The following RBFOX3 variants were observed in gnomAD, a reference collection of about 807,000 sequenced individuals.
RBFOX3 encodes the protein RNA binding protein fox-1 homolog 3.
RBFOX3 carries 17 observed loss-of-function variants against 48.7 expected under a neutral mutation model. That is an observed-to-expected ratio of 0.35 (90% confidence interval 0.24 to 0.52). RBFOX3 has a LOEUF of 0.52. RBFOX3 is among the 20% of genes least tolerant of loss of function. The pLI, the probability that RBFOX3 is intolerant of heterozygous loss-of-function variation, is 0.94. For missense variants in RBFOX3, 382 were observed against 497.5 expected, an observed-to-expected ratio of 0.77 and a Z score of 2.21; for synonymous variants, 212 against 209.5, an observed-to-expected ratio of 1.01 and a Z score of -0.10.
intron 2 of RBFOX3, among the ~76,000 whole-genome samples, chr17:79,404,067 C>T (rs1349819228): frequency 1.8e-4 from 27 of 152,184 alleles, no homozygotes; most frequent in Non-Finnish European, 5.9e-5. Flanking sequence ...CGTGAACCAC[C>T]ACACCCGGCC....
chr17:79,554,138 T>C (rs2091401693), intron 1 of RBFOX3, among the ~76,000 whole-genome samples: 1 of 152,234 alleles, frequency 6.6e-6, no homozygotes, highest in Non-Finnish European at 1.5e-5. Context: ...TTGTGGCCCA[T>C]TATTATTATA....
At chr17:79,492,438 C>T (rs907866398) in intron 1 of RBFOX3, among the ~76,000 whole-genome samples, 3 of 152,188 alleles carry the variant, frequency 2.0e-5, no homozygotes, top group South Asian at 2.1e-4. Flanking sequence ...GGAAGTCAGC[C>T]GCCCTGTCAT....
At chr17:79,491,028 A>AGAGGAGAGGGGAGGG (rs2080426432) in intron 1 of RBFOX3, among the ~76,000 whole-genome samples, 1 of 107,206 alleles carries the variant, frequency 9.3e-6, no homozygotes, top group Non-Finnish European at 1.9e-5. Flanking sequence ...AGTGAATCGG[A>AGAGGAGAGGGGAGGG]GAGGAGAGGG....
At chr17:79,665,014 G>A in the RBFOX3 span, among the ~76,000 whole-genome samples, 4 of 152,108 alleles carry the variant, frequency 2.6e-5, no homozygotes, top group African/African-American at 9.7e-5. Context: ...TCTGTCTATG[G>A]ACACTGGGGT....
At chr17:79,444,066 G>A (rs1598726350) in intron 2 of RBFOX3, among the ~76,000 whole-genome samples, 1 of 152,302 alleles carries the variant, frequency 6.6e-6, no homozygotes, top group Admixed American at 6.5e-5. Context: ...ATGCACACCT[G>A]TATGTTCAGG....
intron 1 of RBFOX3, among the ~76,000 whole-genome samples, chr17:79,592,583 G>A (rs1001102278): frequency 1.3e-5 from 2 of 152,044 alleles, no homozygotes; most frequent in African/African-American, 4.8e-5. Context: ...CTGTCCCTGG[G>A]AAGGCTGGGG....
intron 3 of RBFOX3, among the ~76,000 whole-genome samples, chr17:79,304,466 G>A (rs571163574): frequency 6.7e-6 from 1 of 149,768 alleles, no homozygotes; most frequent in East Asian, 2.0e-4. Context: ...TATATAGCAT[G>A]ATCCTGCTTT....
chr17:79,513,768 T>C (rs1473204113), intron 1 of RBFOX3, among the ~76,000 whole-genome samples: 2 of 152,200 alleles, frequency 1.3e-5, no homozygotes, highest in Non-Finnish European at 2.9e-5. Flanking sequence ...CGCTGGGCAC[T>C]TCACACAGCC....
At position 79,111,783 on chromosome 17, in the gene RBFOX3, G is replaced by A. The variant is rs1337875752; in HGVS notation, c.222+3711C>T. Among the ~76,000 whole-genome samples, 1 of 152,230 alleles carries A rather than the reference G, an allele frequency of 6.6e-6. No homozygotes were observed. Among genetic ancestry groups the A allele is most frequent in the Non-Finnish European group, 1.5e-5 (1 of 68,038 alleles). Reference sequence around the variant, plus strand: ...GCACAAAGACTCCCAAGGGCCCACAGTACTGGCACCTGCGTGACCCCGAGT... The same window carrying A: ...GCACAAAGACTCCCAAGGGCCCACAATACTGGCACCTGCGTGACCCCGAGT... On this transcript the variant is annotated intron_variant, in intron 5 of 14. Coordinates refer to ENST00000693108, the MANE Select transcript of RBFOX3 (RefSeq NM_001350451.2). This position sits in a 1 kb window ranked among gnomAD's most constrained non-coding sequence, Gnocchi z 4.2.
intron 1 of RBFOX3, among the ~76,000 whole-genome samples, chr17:79,543,397 G>T (rs961303166): frequency 6.6e-6 from 1 of 152,120 alleles, no homozygotes; most frequent in Non-Finnish European, 1.5e-5. Flanking sequence ...GTGAAAGGAC[G>T]CCTGAAATGC....
chr17:79,483,734 G>A (rs1238283989), intron 1 of RBFOX3, among the ~76,000 whole-genome samples: 1 of 151,898 alleles, frequency 6.6e-6, no homozygotes, highest in East Asian at 2.0e-4. Flanking sequence ...CCCAGGATGT[G>A]CCTGGCACAT....
intron 2 of RBFOX3, among the ~76,000 whole-genome samples, chr17:79,440,452 T>G (rs113731665): frequency 6.6e-6 from 1 of 152,110 alleles, no homozygotes; most frequent in South Asian, 2.1e-4. Flanking sequence ...TGGGGCTCCA[T>G]TGGCTATACC....
the RBFOX3 span, among the ~76,000 whole-genome samples, chr17:79,618,194 C>G: frequency 6.6e-6 from 1 of 152,166 alleles, no homozygotes; most frequent in African/African-American, 2.4e-5. Context: ...GCGGCGATAG[C>G]CTAAAAAACA....
intron 3 of RBFOX3, among the ~76,000 whole-genome samples, chr17:79,264,058 C>T (rs1012944638): frequency 4.6e-5 from 7 of 151,468 alleles, no homozygotes; most frequent in Non-Finnish European, 1.0e-4. Context: ...AGGACCCTTC[C>T]CTAGAGCTTT....
chr17:79,131,543 G>A (rs957087484), intron 4 of RBFOX3, among the ~76,000 whole-genome samples: 1 of 152,172 alleles, frequency 6.6e-6, no homozygotes, highest in Non-Finnish European at 1.5e-5. Context: ...TGACCTTCAC[G>A]CTCACTCCAA....
At chr17:79,173,215 A>ATAC (rs1555730591) in intron 4 of RBFOX3, among the ~76,000 whole-genome samples, 27 of 87,794 alleles carry the variant, frequency 3.1e-4, no homozygotes, top group Non-Finnish European at 3.5e-4. Flanking sequence ...CAAATAAATA[A>ATAC]ATAAATACAT....
intron 2 of RBFOX3, among the ~76,000 whole-genome samples, chr17:79,368,959 C>A (rs981554005): frequency 6.6e-6 from 1 of 152,170 alleles, no homozygotes; most frequent in Non-Finnish European, 1.5e-5. Context: ...ATGGGCTTCA[C>A]GAAGGCAGGA....
At chr17:79,425,988 C>T (rs1217907444) in intron 2 of RBFOX3, among the ~76,000 whole-genome samples, 1 of 152,078 alleles carries the variant, frequency 6.6e-6, no homozygotes, top group Non-Finnish European at 1.5e-5. Context: ...CAGTGTAACA[C>T]TGGAGGAATC....
the RBFOX3 span, among the ~76,000 whole-genome samples, chr17:79,617,065 C>T: frequency 3.3e-5 from 5 of 152,170 alleles, no homozygotes; most frequent in Non-Finnish European, 7.3e-5. Context: ...GTTTATCATC[C>T]CTCTTTCTCC....
Sources: gnomAD v4.1 joint callset for allele counts (sites outside exome capture counted in the v4.1 genomes callset) on GRCh38, gnomAD v4.1.1 for gene constraint, Gnocchi (gnomAD v3.1) non-coding constraint, MANE v1.5 for transcripts, NCBI Gene and HGNC (gene_info 2026-07-23, HGNC 2026-07-21) for gene names.